The following UGT1A7 variants were observed in gnomAD, a reference collection of about 807,000 sequenced individuals.
UGT1A7 encodes the protein UDP-glucuronosyltransferase 1A7.
UGT1A7 carries 33 observed loss-of-function variants against 45.6 expected under a neutral mutation model. The ratio of observed to expected loss-of-function variants is 0.72; its 90% confidence interval spans 0.55 to 0.97. The LOEUF (loss-of-function observed/expected upper bound fraction) is 0.97. Ranked by LOEUF, UGT1A7 falls within the 50% of genes least tolerant of loss-of-function variation. The pLI is 0.00. For synonymous variants in UGT1A7, 274 were observed against 250.6 expected (o/e 1.09, Z -0.88); for missense variants, 684 against 666.2 (o/e 1.03, Z -0.29).
At chr2:233,763,477 G>T (rs553290095) in intron 1 of UGT1A7, among the ~76,000 whole-genome samples, 67 of 152,208 alleles carry the variant, frequency 4.4e-4, no homozygotes, top group South Asian at 2.7e-3. Context: ...TAATAGATTT[G>T]ATTGTAACTC....
Position 233,684,659 on chromosome 2 carries a change from T to G in UGT1A7, c.855+1867T>G, listed in dbSNP as rs1447960748. Among the ~76,000 whole-genome samples the G allele has an allele frequency of 1.1e-4, 16 of 152,160 alleles. 1 individual carries two copies. The highest frequency in any genetic ancestry group is 9.8e-4 in the Admixed American group (15 of 15,270). ...TAAAATATATGCATTTATATGCCTT[T>G]AAGGAATATACATATGATAGGATTT... On this transcript the variant is annotated intron_variant, in intron 1 of 4. Transcript: ENST00000373426.
chr2:233,726,353 T>C lies in UGT1A7; in HGVS notation c.856-40681T>C, dbSNP rs2077527034. Among the ~76,000 whole-genome samples the C allele has an allele frequency of 2.0e-5, 3 of 152,202 alleles. No individual in the cohort carries two copies. The South Asian group carries it at 6.2e-4, about 32-fold the overall frequency. ...CACCTGTGGTTTTTTGATTTATTTA[T>C]TTAAAACACAACAAAAACCAAAATT... On this transcript the variant is annotated intron_variant, in intron 1 of 4. Transcript: ENST00000373426.
intron 1 of UGT1A7, among the ~76,000 whole-genome samples, chr2:233,700,723 A>T (rs1341178459): frequency 6.6e-6 from 1 of 151,984 alleles, no homozygotes; most frequent in African/African-American, 2.4e-5. Context: ...TTTTTTTAAA[A>T]ATTTTATTAT....
At chr2:233,737,500 C>T (rs2078887926) in intron 1 of UGT1A7, among the ~76,000 whole-genome samples, 1 of 152,232 alleles carries the variant, frequency 6.6e-6, no homozygotes, top group South Asian at 2.1e-4. Flanking sequence ...ATCCCTCACC[C>T]TCTTGCACTT....
intron 1 of UGT1A7, chr2:233,691,684 A>T: frequency 1.0e-6 from 1 of 957,208 alleles, no homozygotes. Flanking sequence ...GAGAAACCTG[A>T]AGCTCAGGAG....
rs562159767 is a variant in UGT1A7, at chr2:233,728,334, A to G, written c.856-38700A>G. On this transcript the variant is annotated intron_variant, in intron 1 of 4. Transcript: ENST00000373426. ...TCTGAGGCCAGGCTCCAGCTCCCCC[A>G]GTCCCTTGGTGAGCAGGAGCTCCCT... Among the ~76,000 whole-genome samples, 5 of 152,308 alleles carry G rather than the reference A, an allele frequency of 3.3e-5. No homozygotes were observed. The South Asian group carries it at 6.2e-4, about 19-fold the overall frequency.
intron 1 of UGT1A7, among the ~76,000 whole-genome samples, chr2:233,687,412 G>A (rs1423450705): frequency 6.6e-6 from 1 of 151,920 alleles, no homozygotes; most frequent in Non-Finnish European, 1.5e-5. Flanking sequence ...AACATATATT[G>A]GAGGCTTACC....
At chr2:233,751,528 T>C (rs1694749369) in intron 1 of UGT1A7, among the ~76,000 whole-genome samples, 1 of 152,240 alleles carries the variant, frequency 6.6e-6, no homozygotes, top group Admixed American at 6.5e-5. Context: ...ATGATATGGT[T>C]TGACTCTGTG....
chr2:233,760,435 C>G (rs2125984030), intron 1 of UGT1A7: 1 of 1,614,234 alleles, frequency 6.2e-7, no homozygotes, highest in Non-Finnish European at 8.5e-7. Flanking sequence ...CATCCAGCAG[C>G]TGCAGCAGAG....
At chr2:233,766,942 T>C (rs957269469) in intron 1 of UGT1A7, 92 bp from the exon 2 acceptor site, 13 of 1,596,398 alleles carry the variant, frequency 8.1e-6, no homozygotes, top group Non-Finnish European at 1.0e-5. Flanking sequence ...AATCATAGTC[T>C]TAAGAGGAAG....
chr2:233,761,556 C>T (rs1005029875), intron 1 of UGT1A7, among the ~76,000 whole-genome samples: 3 of 152,166 alleles, frequency 2.0e-5, no homozygotes, highest in African/African-American at 7.2e-5. Flanking sequence ...GATGATAGAT[C>T]CTGGAAATGA....
rs529035115 is a variant in UGT1A7 at position 233,718,838 on chromosome 2, G to T, written c.855+36046G>T. The T allele has an allele frequency of 2.5e-6, 4 of 1,613,656 alleles. No individual in the cohort carries two copies. The South Asian group carries it at 4.4e-5, about 18-fold the overall frequency. ...CTGCTGAGATGGCCAGAGGACTCCA[G>T]GTTCCCCTGCCGCGGCTGGCCACAG... On this transcript the variant is annotated intron_variant, in intron 1 of 4. Coordinates refer to ENST00000373426, the MANE Select transcript of UGT1A7 (RefSeq NM_019077.3).
chr2:233,714,886 C>A (rs930677023), intron 1 of UGT1A7, among the ~76,000 whole-genome samples: 24 of 134,284 alleles, frequency 1.8e-4, no homozygotes, highest in African/African-American at 6.3e-4. Flanking sequence ...TTAAATTTTT[C>A]TATCTTTTGA....
intron 1 of UGT1A7, chr2:233,755,145 G>A (rs1233085476): frequency 2.3e-6 from 3 of 1,302,660 alleles, no homozygotes; most frequent in South Asian, 1.2e-5. Flanking sequence ...TCTTCTCACC[G>A]CTTCCTCCCT....
chr2:233,689,739 G>T (rs1053174218), intron 1 of UGT1A7, among the ~76,000 whole-genome samples: 3 of 152,308 alleles, frequency 2.0e-5, no homozygotes, highest in Admixed American at 6.5e-5. Flanking sequence ...AATCCATTTG[G>T]TGGGAGTCCA....
chr2:233,715,422 G>A (rs1232475756), intron 1 of UGT1A7, among the ~76,000 whole-genome samples: 1 of 152,116 alleles, frequency 6.6e-6, no homozygotes, highest in Admixed American at 6.5e-5. Flanking sequence ...CATTTTATCT[G>A]ATATCAGTAA....
chr2:233,731,410 T>C (rs2078155663), intron 1 of UGT1A7, among the ~76,000 whole-genome samples: 1 of 152,132 alleles, frequency 6.6e-6, no homozygotes. Flanking sequence ...ACATTAGGTA[T>C]TTTTCCTAAT....
chr2:233,682,878 C>T, intron 1 of UGT1A7, 86 bp downstream of exon 1: 2 of 1,512,868 alleles, frequency 1.3e-6, no homozygotes, highest in Non-Finnish European at 1.8e-6. Context: ...TTATCATTTA[C>T]ATTTGTCCCA....
intron 1 of UGT1A7, among the ~76,000 whole-genome samples, chr2:233,761,373 T>G (rs1041958865): frequency 6.6e-6 from 1 of 152,254 alleles, no homozygotes; most frequent in Middle Eastern, 3.2e-3. Context: ...TTGGACATTT[T>G]ACTCTGTGTG....
Sources: gnomAD v4.1 joint callset for allele counts (sites outside exome capture counted in the v4.1 genomes callset) on GRCh38, gnomAD v4.1.1 for gene constraint, MANE v1.5 for transcripts, NCBI Gene and HGNC (gene_info 2026-07-23, HGNC 2026-07-21) for gene names.